Variants in VAT1L observed in about 807,000 individuals in gnomAD.
VAT1L encodes putative NADPH-dependent quinone oxidoreductase VAT1L.
A neutral mutation model predicts 44.1 loss-of-function variants in VAT1L; 34 were observed. The ratio of observed to expected loss-of-function variants is 0.77; its 90% confidence interval spans 0.59 to 1.03. The LOEUF is 1.03. Ranked by LOEUF, VAT1L falls within the 50% of genes least tolerant of loss-of-function variation. The pLI, the probability that VAT1L is intolerant of heterozygous loss-of-function variation, is 0.00. For synonymous variants in VAT1L, 253 were observed against 202.2 expected (o/e 1.25, Z -2.13); for missense variants, 615 against 538.8 (o/e 1.14, Z -1.40).
At chr16:77,908,262 C>A (rs1392872085) in intron 7 of VAT1L, among the ~76,000 whole-genome samples, 1 of 148,168 alleles carries the variant, frequency 6.7e-6, no homozygotes. Flanking sequence ...AAGTTCAAGA[C>A]CAGCCTGACT....
chr16:77,937,037 A>G (rs954626300), intron 7 of VAT1L, among the ~76,000 whole-genome samples: 44 of 152,288 alleles, frequency 2.9e-4, no homozygotes, highest in African/African-American at 1.0e-3. Flanking sequence ...GGTGCATGCC[A>G]CCACGCCCGG....
intron 4 of VAT1L, among the ~76,000 whole-genome samples, chr16:77,865,916 T>C (rs978043050): frequency 6.6e-6 from 1 of 152,150 alleles, no homozygotes; most frequent in Non-Finnish European, 1.5e-5. Flanking sequence ...TCCTCTATCT[T>C]TCCACTGCCC....
intron 7 of VAT1L, among the ~76,000 whole-genome samples, chr16:77,937,407 G>C (rs926684040): frequency 1.3e-5 from 2 of 152,174 alleles, no homozygotes; most frequent in Admixed American, 1.3e-4. Context: ...ACCCATTCCA[G>C]GTTTTGGCAC....
chr16:77,925,990 C>G (rs180851797), intron 7 of VAT1L, among the ~76,000 whole-genome samples: 1 of 152,042 alleles, frequency 6.6e-6, no homozygotes, highest in Non-Finnish European at 1.5e-5. Context: ...GGGCCGGGTG[C>G]GGTGGCTCAT....
At chr16:77,855,061 G>C (rs929381374) in intron 3 of VAT1L, among the ~76,000 whole-genome samples, 2 of 152,108 alleles carry the variant, frequency 1.3e-5, no homozygotes, top group African/African-American at 4.8e-5. Flanking sequence ...ATGTGAAACC[G>C]CTGGGCGTGC....
intron 7 of VAT1L, among the ~76,000 whole-genome samples, chr16:77,963,932 G>C (rs1032614270): frequency 6.6e-6 from 1 of 152,174 alleles, no homozygotes; most frequent in African/African-American, 2.4e-5. Context: ...AAAACCGAAA[G>C]TCTTACAAAA....
intron 7 of VAT1L, among the ~76,000 whole-genome samples, chr16:77,886,725 C>T (rs748896445): frequency 6.6e-6 from 1 of 152,114 alleles, no homozygotes; most frequent in Non-Finnish European, 1.5e-5. Context: ...AAGGTAGCTG[C>T]CTGTCGTAAT....
At position 77,826,047 on chromosome 16, in the gene VAT1L, AAAG is replaced by A. The variant is rs543567218; in HGVS notation, c.579+589_579+591del. ...CAAAAAAAAAAGAAAAAAAAAAAAA[AAAG>A]AAAGAAATTAGCCGGGCGTAGTGGC... is the stretch of plus-strand genomic sequence containing the variant. On this transcript the variant is annotated intron_variant, in intron 3 of 8. Transcript: ENST00000302536. 1.3e-3 allele frequency among the ~76,000 whole-genome samples: 158 copies of A among 120,214 alleles called. 46 individuals carry two copies. Among genetic ancestry groups the A allele is most frequent in the East Asian group, 8.5e-3 (29 of 3,410 alleles). The allele number at this position is 120,214 out of a possible 152,430, so 78.9% of individuals were successfully genotyped here.
At chr16:77,908,983 G>A (rs951282798) in intron 7 of VAT1L, among the ~76,000 whole-genome samples, 2 of 152,190 alleles carry the variant, frequency 1.3e-5, no homozygotes, top group Admixed American at 6.5e-5. Context: ...GCAGGGGGAT[G>A]TGGACAAAGG....
At position 77,879,280 on chromosome 16, in the gene VAT1L, G is replaced by C; in HGVS notation, c.882+56G>C. The C allele has an allele frequency of 1.3e-6, 2 of 1,568,326 alleles. No individual in the cohort carries two copies. Among genetic ancestry groups the C allele is most frequent in the Admixed American group, 3.4e-5 (2 of 59,610 alleles). Reference sequence around the variant, plus strand: ...GGTGGCATGTTGATTCACATGTTGAGAGCTTTGTTTTTGTTTGTTTGTTTG... The same window carrying C: ...GGTGGCATGTTGATTCACATGTTGACAGCTTTGTTTTTGTTTGTTTGTTTG... On this transcript the variant is annotated intron_variant, in intron 6 of 8. Transcript: ENST00000302536. This position sits in a 1 kb window ranked among gnomAD's most constrained non-coding sequence, Gnocchi z 4.1.
At chr16:77,875,360 G>C (rs1342377173) in intron 4 of VAT1L, among the ~76,000 whole-genome samples, 1 of 152,194 alleles carries the variant, frequency 6.6e-6, no homozygotes, top group Non-Finnish European at 1.5e-5. Flanking sequence ...CCTAAATTTT[G>C]CTAGGGTGAA....
intron 4 of VAT1L, among the ~76,000 whole-genome samples, chr16:77,873,972 T>G (rs917130102): frequency 1.7e-4 from 26 of 152,146 alleles, no homozygotes; most frequent in Non-Finnish European, 2.2e-4. Flanking sequence ...GGACATGCCC[T>G]GCTTCTCTGC....
chr16:77,828,480 G>A (rs568548989), intron 3 of VAT1L, among the ~76,000 whole-genome samples: 9 of 152,162 alleles, frequency 5.9e-5, no homozygotes, highest in Admixed American at 3.3e-4. Context: ...CCTGGCCAAC[G>A]TGGAGAAACC....
rs547630213 is a variant in VAT1L at position 77,848,034 on chromosome 16, C to T, written c.580-14714C>T. 2.6e-5 allele frequency among the ~76,000 whole-genome samples: 4 copies of T among 152,234 alleles called. No individual in the cohort carries two copies. In the South Asian group the frequency reaches 6.2e-4, roughly 24 times the overall value. On this transcript the variant is annotated intron_variant, in intron 3 of 8. Coordinates refer to ENST00000302536, the MANE Select transcript of VAT1L (RefSeq NM_020927.3). ...AAGAGTTGAAGGGATTAAACATGCT[C>T]AGATTGGAAAAGAGAAGATCCACGG...
intron 7 of VAT1L, among the ~76,000 whole-genome samples, chr16:77,885,609 G>T (rs1174444689): frequency 6.6e-6 from 1 of 151,812 alleles, no homozygotes; most frequent in Non-Finnish European, 1.5e-5. Context: ...TGACGCCCCT[G>T]AAAAATATTT....
intron 7 of VAT1L, among the ~76,000 whole-genome samples, chr16:77,902,410 A>G (rs1435553003): frequency 6.6e-6 from 1 of 152,186 alleles, no homozygotes; most frequent in African/African-American, 2.4e-5. Context: ...TTCAGCAGCT[A>G]TTTTTTATTC....
chr16:77,871,757 G>A (rs978300527), intron 4 of VAT1L, among the ~76,000 whole-genome samples: 1 of 152,090 alleles, frequency 6.6e-6, no homozygotes, highest in African/African-American at 2.4e-5. Flanking sequence ...AAAAACTTAC[G>A]AACTTCTTAG....
At chr16:77,975,175 T>C (rs1213708511) in intron 8 of VAT1L, among the ~76,000 whole-genome samples, 1 of 141,986 alleles carries the variant, frequency 7.0e-6, no homozygotes, top group African/African-American at 2.6e-5. Flanking sequence ...AGAGGTGCTT[T>C]CTCCTACTGG....
chr16:77,856,802 A>G (rs772900033), intron 3 of VAT1L, among the ~76,000 whole-genome samples: 1 of 152,188 alleles, frequency 6.6e-6, no homozygotes, highest in Non-Finnish European at 1.5e-5. Context: ...TGTCTCTAAG[A>G]TGGCAACTCG....
Sources: gnomAD v4.1 joint callset for allele counts (sites outside exome capture counted in the v4.1 genomes callset) on GRCh38, gnomAD v4.1.1 for gene constraint, Gnocchi (gnomAD v3.1) non-coding constraint, MANE v1.5 for transcripts, NCBI Gene and HGNC (gene_info 2026-07-23, HGNC 2026-07-21) for gene names.